The following SLC25A21 variants were observed in gnomAD, a reference collection of about 807,000 sequenced individuals.
SLC25A21 encodes the protein mitochondrial 2-oxodicarboxylate carrier.
Under a neutral mutation model 43.8 loss-of-function variants are expected in SLC25A21, and 47 were observed. The observed-to-expected ratio is 1.07, with a 90% CI of 0.85 to 1.37. SLC25A21 has a LOEUF of 1.37. SLC25A21 is among the 40% of genes most tolerant of loss of function. The pLI is 0.00. For missense variants in SLC25A21, 352 were observed against 350.2 expected, an observed-to-expected ratio of 1.00 and a Z score of -0.04; for synonymous variants, 131 against 121.3, an observed-to-expected ratio of 1.08 and a Z score of -0.52.
At chr14:37,129,218 CATA>C (rs1963351313) in intron 1 of SLC25A21, among the ~76,000 whole-genome samples, 1 of 152,190 alleles carries the variant, frequency 6.6e-6, no homozygotes, top group Non-Finnish European at 1.5e-5. Flanking sequence ...ATAACACTCA[CATA>C]ATAACAGCTA....
intron 2 of SLC25A21, among the ~76,000 whole-genome samples, chr14:36,850,714 T>C (rs1276474055): frequency 6.6e-6 from 1 of 152,208 alleles, no homozygotes; most frequent in Non-Finnish European, 1.5e-5. Context: ...GATCTCTTGA[T>C]CTGTAGCACA....
intron 1 of SLC25A21, among the ~76,000 whole-genome samples, chr14:36,880,221 C>G (rs1890673257): frequency 6.6e-6 from 1 of 152,100 alleles, no homozygotes; most frequent in Non-Finnish European, 1.5e-5. Flanking sequence ...TCTCTTTCTC[C>G]CATCTTACTA....
intron 1 of SLC25A21, among the ~76,000 whole-genome samples, chr14:37,147,920 C>A (rs1440676068): frequency 1.4e-5 from 2 of 142,986 alleles, no homozygotes; most frequent in African/African-American, 5.1e-5. Context: ...CAGTTCACTG[C>A]AACCTCCGCC....
At chr14:37,092,495 G>A (rs1411381339) in intron 1 of SLC25A21, among the ~76,000 whole-genome samples, 2 of 152,150 alleles carry the variant, frequency 1.3e-5, no homozygotes, top group South Asian at 2.1e-4. Flanking sequence ...GGGTTTTCTC[G>A]AGGTGGATTA....
intron 1 of SLC25A21, among the ~76,000 whole-genome samples, chr14:36,967,717 A>G: frequency 6.6e-6 from 1 of 152,184 alleles, no homozygotes; most frequent in African/African-American, 2.4e-5. Flanking sequence ...ACAAATGTGC[A>G]TTGGGTAGTG....
At chr14:37,079,550 T>G (rs1459824798) in intron 1 of SLC25A21, among the ~76,000 whole-genome samples, 1 of 152,228 alleles carries the variant, frequency 6.6e-6, no homozygotes, top group African/African-American at 2.4e-5. Context: ...GTGATCATCA[T>G]AAAACACAAA....
At chr14:37,129,631 T>G (rs2138903660) in intron 1 of SLC25A21, among the ~76,000 whole-genome samples, 1 of 151,952 alleles carries the variant, frequency 6.6e-6, no homozygotes, top group Middle Eastern at 3.4e-3. Flanking sequence ...TGAGATATAT[T>G]GTGTTAAAAC....
chr14:37,152,792 G>C (rs1406715176), intron 1 of SLC25A21, among the ~76,000 whole-genome samples: 3 of 152,174 alleles, frequency 2.0e-5, no homozygotes, highest in African/African-American at 7.2e-5. Context: ...ATCAATTTTT[G>C]AGGAAAGGGA....
rs866091312 is a variant in SLC25A21, at chr14:37,162,475, G to A, written c.70+9806C>T. 1.1e-3 allele frequency among the ~76,000 whole-genome samples: 66 copies of A among 60,190 alleles called. 1 individual carries two copies. Among genetic ancestry groups the A allele is most frequent in the South Asian group, 4.1e-3 (7 of 1,694 alleles). The allele number at this position is 60,190 out of a possible 152,430, so 39.5% of individuals were successfully genotyped here. A position where few individuals can be genotyped will look rare whatever the true frequency, so the allele number is the denominator to read the frequency against. On this transcript the variant is annotated intron_variant, in intron 1 of 9. Transcript: ENST00000331299. Reference sequence around the variant, plus strand: ...AACAAACAACCCCATCAAAAAGTGGGCGAAGGACATGAACAGACACTTCTC... The same window carrying A: ...AACAAACAACCCCATCAAAAAGTGGACGAAGGACATGAACAGACACTTCTC...
intron 1 of SLC25A21, among the ~76,000 whole-genome samples, chr14:37,004,589 C>T (rs1960556953): frequency 3.3e-5 from 5 of 152,170 alleles, no homozygotes; most frequent in Admixed American, 3.3e-4. Flanking sequence ...AGGTAAACAC[C>T]TCTGAGCAAA....
At chr14:37,016,722 T>C (rs1960864973) in intron 1 of SLC25A21, among the ~76,000 whole-genome samples, 1 of 152,108 alleles carries the variant, frequency 6.6e-6, no homozygotes, top group Non-Finnish European at 1.5e-5. Context: ...AAAAGGCTGT[T>C]TCATCTACAT....
chr14:36,848,771 T>C (rs185886279), intron 2 of SLC25A21, among the ~76,000 whole-genome samples: 1 of 152,326 alleles, frequency 6.6e-6, no homozygotes, highest in Admixed American at 6.5e-5. Flanking sequence ...AAGGGGATGG[T>C]GGTTTCAAGC....
At chr14:36,772,587 G>A (rs1886661432) in intron 3 of SLC25A21, among the ~76,000 whole-genome samples, 1 of 152,210 alleles carries the variant, frequency 6.6e-6, no homozygotes, top group Non-Finnish European at 1.5e-5. Flanking sequence ...TCTGATTGGA[G>A]AGGGATGTTG....
At chr14:37,154,598 A>G (rs1963814821) in intron 1 of SLC25A21, among the ~76,000 whole-genome samples, 1 of 152,166 alleles carries the variant, frequency 6.6e-6, no homozygotes, top group African/African-American at 2.4e-5. Flanking sequence ...CAAAGACAAC[A>G]GAAAAACAAT....
chr14:36,920,862 T>C (rs1891961359), intron 1 of SLC25A21, among the ~76,000 whole-genome samples: 1 of 152,256 alleles, frequency 6.6e-6, no homozygotes, highest in African/African-American at 2.4e-5. Context: ...GTTATAGCAC[T>C]AATGCTATAA....
chr14:36,684,025 T>C (rs1882415452), intron 8 of SLC25A21, 145 bp from the exon 9 acceptor site: 1 of 544,056 alleles, frequency 1.8e-6, no homozygotes, highest in South Asian at 3.4e-5. Context: ...ATCTTAGTAT[T>C]CTCTGCAGCA....
chr14:36,947,613 TC>T (rs144609811), intron 1 of SLC25A21, among the ~76,000 whole-genome samples: 10,357 of 152,180 alleles, frequency 0.068, 501 homozygotes, highest in Middle Eastern at 0.16. Context: ...GAATGGCTTC[TC>T]CCCATATATA....
At chr14:37,120,451 C>T (rs1315560753) in intron 1 of SLC25A21, among the ~76,000 whole-genome samples, 12 of 152,156 alleles carry the variant, frequency 7.9e-5, no homozygotes, top group Non-Finnish European at 1.8e-4. Context: ...ATCAATACTG[C>T]CTTCAGTCCT....
intron 1 of SLC25A21, among the ~76,000 whole-genome samples, chr14:37,016,565 G>A (rs1960861779): frequency 6.6e-6 from 1 of 151,890 alleles, no homozygotes; most frequent in Non-Finnish European, 1.5e-5. Flanking sequence ...AAGGGCCTTA[G>A]GATTTTCAAA....
Sources: allele counts gnomAD v4.1 joint callset (sites outside exome capture counted in the v4.1 genomes callset), GRCh38; gene constraint gnomAD v4.1.1; transcripts MANE v1.5; gene names NCBI Gene and HGNC (gene_info 2026-07-23, HGNC 2026-07-21).